LHFPL3: variants seen among roughly 807,000 people sequenced by gnomAD.
LHFPL3 encodes LHFPL tetraspan subfamily member 3.
A neutral mutation model predicts 19.3 loss-of-function variants in LHFPL3; 5 were observed. The ratio of observed to expected loss-of-function variants is 0.26; its 90% CI spans 0.14 to 0.54. LHFPL3 has a LOEUF of 0.54. Ranked by LOEUF, LHFPL3 falls within the 20% of genes least tolerant of loss-of-function variation. The pLI is 0.94. For missense variants in LHFPL3, 249 were observed against 307.4 expected, an observed-to-expected ratio of 0.81 and a Z score of 1.42; for synonymous variants, 133 against 126.2, an observed-to-expected ratio of 1.05 and a Z score of -0.36.
In LHFPL3 at chr7:104,900,337, G is replaced by A. The variant is rs1584606550; in HGVS notation, c.683-5850G>A. Among the ~76,000 whole-genome samples the A allele has an allele frequency of 2.0e-5, 3 of 152,296 alleles. No homozygotes were observed. The South Asian group carries it at 6.2e-4, about 32-fold the overall frequency. On this transcript the variant is annotated intron_variant, in intron 2 of 2. Coordinates refer to ENST00000424859, the MANE Select transcript of LHFPL3 (RefSeq NM_199000.3). ...GAAGAAGAGAAAGAGACGTTCATGA[G>A]TTAATTGAAATCCCTTCTTGTGAAA...
intron 1 of LHFPL3, among the ~76,000 whole-genome samples, chr7:104,401,264 A>G (rs777679563): frequency 2.0e-5 from 3 of 152,260 alleles, no homozygotes; most frequent in Non-Finnish European, 2.9e-5. Flanking sequence ...ATAAGGCTCC[A>G]TGAGATTCTT....
intron 1 of LHFPL3, among the ~76,000 whole-genome samples, chr7:104,596,901 G>A (rs1414118255): frequency 6.6e-6 from 1 of 152,202 alleles, no homozygotes; most frequent in African/African-American, 2.4e-5. Flanking sequence ...TAGGGAATCA[G>A]TGACTCATCT....
In LHFPL3 at chr7:104,509,539, A is replaced by G. The variant is rs1793769580; in HGVS notation, c.445+180315A>G. 3.3e-5 allele frequency among the ~76,000 whole-genome samples: 5 copies of G among 151,992 alleles called. 1 individual carries two copies. The highest frequency in any genetic ancestry group is 6.6e-5 in the Admixed American group (1 of 15,244). Reference sequence around the variant, plus strand: ...ATTTGATAAAAGTCAACACCCATTCATGGTCTAAAAAAAAAATCAGCAAAA... The same window carrying G: ...ATTTGATAAAAGTCAACACCCATTCGTGGTCTAAAAAAAAAATCAGCAAAA... On this transcript the variant is annotated intron_variant, in intron 1 of 2. Transcript: ENST00000424859.
intron 1 of LHFPL3, among the ~76,000 whole-genome samples, chr7:104,497,626 TAAA>T (rs61246004): frequency 4.5e-5 from 6 of 132,494 alleles, no homozygotes; most frequent in Admixed American, 7.7e-5. Flanking sequence ...ACACACCAAT[TAAA>T]AAAAAAAAAA....
chr7:104,406,351 T>C (rs1482359591), intron 1 of LHFPL3, among the ~76,000 whole-genome samples: 1 of 152,146 alleles, frequency 6.6e-6, no homozygotes, highest in East Asian at 1.9e-4. Flanking sequence ...GTTGGAAATA[T>C]TAAGAGAGCA....
intron 1 of LHFPL3, among the ~76,000 whole-genome samples, chr7:104,519,181 C>T (rs1793993094): frequency 6.6e-6 from 1 of 152,028 alleles, no homozygotes; most frequent in Non-Finnish European, 1.5e-5. Flanking sequence ...ACAAAGATTT[C>T]CTGGAAATAA....
chr7:104,545,891 G>C (rs538152704), intron 1 of LHFPL3, among the ~76,000 whole-genome samples: 2 of 152,306 alleles, frequency 1.3e-5, no homozygotes, highest in East Asian at 3.9e-4. Flanking sequence ...TTGCACAATA[G>C]TCAAGCATCT....
chr7:104,571,120 C>T (rs991768453), intron 1 of LHFPL3, among the ~76,000 whole-genome samples: 1 of 152,152 alleles, frequency 6.6e-6, no homozygotes, highest in Non-Finnish European at 1.5e-5. Flanking sequence ...TTCACCTTGC[C>T]TAGGTGTTAA....
intron 1 of LHFPL3, among the ~76,000 whole-genome samples, chr7:104,615,518 T>C (rs1791315154): frequency 2.0e-5 from 3 of 152,182 alleles, no homozygotes; most frequent in African/African-American, 7.2e-5. Context: ...CTAAATTCGG[T>C]GATTCAGCTG....
At chr7:104,613,679 T>G (rs1223743903) in intron 1 of LHFPL3, among the ~76,000 whole-genome samples, 2 of 152,170 alleles carry the variant, frequency 1.3e-5, no homozygotes, top group Non-Finnish European at 2.9e-5. Context: ...CATTACTTAC[T>G]CTTGAGTATC....
At chr7:104,495,064 C>A (rs1793434525) in intron 1 of LHFPL3, among the ~76,000 whole-genome samples, 1 of 152,138 alleles carries the variant, frequency 6.6e-6, no homozygotes, top group Non-Finnish European at 1.5e-5. Context: ...GTTGGTTTCC[C>A]AATATATCAC....
intron 1 of LHFPL3, among the ~76,000 whole-genome samples, chr7:104,716,998 G>C (rs115873173): frequency 0.011 from 1,622 of 152,224 alleles, 38 homozygotes; most frequent in African/African-American, 0.037. Flanking sequence ...GAATAGAATA[G>C]AGATCCCAGA....
chr7:104,412,312 A>G (rs1481334674), intron 1 of LHFPL3, among the ~76,000 whole-genome samples: 1 of 152,122 alleles, frequency 6.6e-6, no homozygotes. Flanking sequence ...ATAGTCTTGC[A>G]GCCCATGGGT....
chr7:104,479,431 A>C (rs1225226864), intron 1 of LHFPL3, among the ~76,000 whole-genome samples: 1 of 149,706 alleles, frequency 6.7e-6, no homozygotes. Flanking sequence ...TCACTCTGTC[A>C]CCCACGTTGG....
chr7:104,891,363 G>A (rs1049776982), intron 2 of LHFPL3, among the ~76,000 whole-genome samples: 3 of 152,032 alleles, frequency 2.0e-5, no homozygotes, highest in East Asian at 1.9e-4. Flanking sequence ...GCAAGCAGGC[G>A]TGCGAGACTG....
At chr7:104,512,019 A>G (rs968699190) in intron 1 of LHFPL3, among the ~76,000 whole-genome samples, 15 of 148,608 alleles carry the variant, frequency 1.0e-4, no homozygotes, top group African/African-American at 3.5e-4. Flanking sequence ...CAGCGGTGCA[A>G]TCTTGGCTCA....
chr7:104,606,635 C>T (rs1276646715), intron 1 of LHFPL3, among the ~76,000 whole-genome samples: 2 of 151,886 alleles, frequency 1.3e-5, no homozygotes, highest in Admixed American at 6.6e-5. Flanking sequence ...GTTTTTCCTG[C>T]CTGCTGCACA....
At position 104,549,713 on chromosome 7, in the gene LHFPL3, G is replaced by A. The variant is rs1033555697; in HGVS notation, c.446-186962G>A. 2.0e-5 allele frequency among the ~76,000 whole-genome samples: 3 copies of A among 152,226 alleles called. No individual in the cohort carries two copies. The South Asian group carries it at 6.2e-4, about 32-fold the overall frequency. On this transcript the variant is annotated intron_variant, in intron 1 of 2. Transcript: ENST00000424859. ...GAGGAACGTTTTGCTTAACATCTGT[G>A]TTCCTATATCTATCTGGGGACCTTG...
At chr7:104,367,105 A>T (rs1286690335) in intron 1 of LHFPL3, among the ~76,000 whole-genome samples, 1 of 152,206 alleles carries the variant, frequency 6.6e-6, no homozygotes. Context: ...GTTTTATCTG[A>T]TAAGTGGTTT....
Sources: gnomAD v4.1 joint callset for allele counts (sites outside exome capture counted in the v4.1 genomes callset) on GRCh38, gnomAD v4.1.1 for gene constraint, MANE v1.5 for transcripts, NCBI Gene and HGNC (gene_info 2026-07-23, HGNC 2026-07-21) for gene names.